The following MED13L variants were observed in gnomAD, a reference collection of about 807,000 sequenced individuals.
The protein encoded by MED13L is mediator of RNA polymerase II transcription subunit 13-like.
MED13L carries 7 observed loss-of-function variants against 220.9 expected under a neutral mutation model. That is an observed-to-expected ratio of 0.03 (90% CI 0.02 to 0.06). The LOEUF (loss-of-function observed/expected upper bound fraction) is 0.06, where lower values mean the gene tolerates loss of function less well. MED13L is among the 10% of genes least tolerant of loss of function. MED13L has a pLI of 1.00. For missense variants in MED13L, 1,965 were observed against 2,760.5 expected, an observed-to-expected ratio of 0.71 and a Z score of 6.46; for synonymous variants, 1,011 against 1,015.2, an observed-to-expected ratio of 1.00 and a Z score of 0.08.
rs75368072 is a variant in MED13L, at chr12:116,118,892, A to G, written c.311-7380T>C. ...TTTGAAACTTTGCAGAATAGCTACT[A>G]GCATAAAATGTCTTAAATTTTAAAT... On this transcript the variant is annotated intron_variant, in intron 2 of 30. Transcript: ENST00000281928. Among the ~76,000 whole-genome samples, 61 of 152,372 alleles carry G rather than the reference A, an allele frequency of 4.0e-4. No individual in the cohort carries two copies. In the East Asian group the frequency reaches 0.011, roughly 28 times the overall value.
chr12:116,101,504 G>A (rs1450081334), intron 3 of MED13L, among the ~76,000 whole-genome samples: 2 of 152,032 alleles, frequency 1.3e-5, no homozygotes, highest in Non-Finnish European at 2.9e-5. Context: ...TTTCTTATGT[G>A]TATGTATTCT....
intron 1 of MED13L, among the ~76,000 whole-genome samples, chr12:116,273,545 A>G (rs916352087): frequency 1.1e-4 from 16 of 150,068 alleles, no homozygotes; most frequent in African/African-American, 3.6e-4. Context: ...CCATTCTGCA[A>G]AAAAATCCCT....
chr12:116,149,638 T>C (rs1416056438), intron 2 of MED13L, among the ~76,000 whole-genome samples: 1 of 152,156 alleles, frequency 6.6e-6, no homozygotes, highest in Non-Finnish European at 1.5e-5. Flanking sequence ...CTCCCAATAA[T>C]ATTAAATCAG....
intron 7 of MED13L, among the ~76,000 whole-genome samples, 157 bp from the exon 8 acceptor site, chr12:116,015,431 G>C (rs750990768): frequency 6.6e-6 from 1 of 152,106 alleles, no homozygotes; most frequent in Non-Finnish European, 1.5e-5. Context: ...CTATAATCAT[G>C]AGTAAAATTT....
rs113799829 is a variant in MED13L at position 116,161,953 on chromosome 12, G to A, written c.311-50441C>T. On this transcript the variant is annotated intron_variant, in intron 2 of 30. Transcript: ENST00000281928. ...TCTAACAAGTTCTTAGGTGACGGGGGCAGGGGGGCAAAGAAAAGAAACACG... is the reference window on the plus strand; with the variant it reads ...TCTAACAAGTTCTTAGGTGACGGGGACAGGGGGGCAAAGAAAAGAAACACG... Among the ~76,000 whole-genome samples, 1,318 of 152,020 alleles carry A rather than the reference G, an allele frequency of 8.7e-3. 8 individuals are homozygous for A. The highest frequency in any genetic ancestry group is 0.014 in the Non-Finnish European group (967 of 67,990).
At chr12:116,214,211 A>C (rs73200233) in intron 2 of MED13L, among the ~76,000 whole-genome samples, 188 of 152,268 alleles carry the variant, frequency 1.2e-3, no homozygotes, top group Non-Finnish European at 2.1e-3. Context: ...AAGTTCTAAA[A>C]CTTTTCACTT....
chr12:116,230,281 T>C (rs1161926439), intron 2 of MED13L, among the ~76,000 whole-genome samples: 1 of 152,008 alleles, frequency 6.6e-6, no homozygotes, highest in Non-Finnish European at 1.5e-5. Flanking sequence ...GCATCTATAG[T>C]CCTAGCTACT....
chr12:116,248,866 G>A (rs1260891057), intron 1 of MED13L, among the ~76,000 whole-genome samples: 1 of 152,126 alleles, frequency 6.6e-6, no homozygotes, highest in Non-Finnish European at 1.5e-5. Flanking sequence ...TAAACAACCA[G>A]AAAACTGGAC....
intron 3 of MED13L, among the ~76,000 whole-genome samples, 196 bp downstream of exon 3, chr12:116,111,232 A>G (rs928041070): frequency 6.6e-6 from 1 of 152,210 alleles, no homozygotes; most frequent in Non-Finnish European, 1.5e-5. Flanking sequence ...GGAATATGGG[A>G]GTTCTTTGTA....
Position 116,276,673 on chromosome 12 carries a change from G to A in MED13L, c.72+387C>T, listed in dbSNP as rs1398359974. On this transcript the variant is annotated intron_variant, in intron 1 of 30. Transcript: ENST00000281928. ...CAACGGGGGAAGAGGTTGCCGATCG[G>A]AGGCGCGGCAGCACAAGGCAAAGCC... 2.5e-6 allele frequency: 3 copies of A among 1,191,004 alleles called. No individual in the cohort carries two copies. In the African/African-American group the frequency reaches 4.8e-5, roughly 19 times the overall value. The allele number at this position is 1,191,004 out of a possible 1,614,324, so 73.8% of individuals were successfully genotyped here. A position where few individuals can be genotyped will look rare whatever the true frequency, so the allele number is the denominator to read the frequency against.
chr12:116,115,934 A>G (rs1343045877), intron 2 of MED13L, among the ~76,000 whole-genome samples: 1 of 152,244 alleles, frequency 6.6e-6, no homozygotes, highest in African/African-American at 2.4e-5. Context: ...CAGCACAGCC[A>G]CTTTGGAAAA....
chr12:116,001,953 C>T (rs1878773191), intron 14 of MED13L, among the ~76,000 whole-genome samples: 1 of 152,166 alleles, frequency 6.6e-6, no homozygotes, highest in Non-Finnish European at 1.5e-5. Flanking sequence ...CATCACTACG[C>T]ATCACGTCAT....
At chr12:115,967,384 G>A (rs1431707193) in intron 28 of MED13L, among the ~76,000 whole-genome samples, 2 of 152,102 alleles carry the variant, frequency 1.3e-5, no homozygotes, top group African/African-American at 4.8e-5. Flanking sequence ...CCTCTTGGAG[G>A]TCACCTGGCT....
At chr12:116,086,345 G>C (rs1871687958) in intron 4 of MED13L, among the ~76,000 whole-genome samples, 1 of 150,642 alleles carries the variant, frequency 6.6e-6, no homozygotes, top group South Asian at 2.1e-4. Context: ...ATGCAACAGT[G>C]GGATCTCAGC....
chr12:116,233,210 C>A (rs1002183953), intron 2 of MED13L, among the ~76,000 whole-genome samples: 2 of 150,842 alleles, frequency 1.3e-5, no homozygotes, highest in Admixed American at 6.6e-5. Flanking sequence ...CAAGCCAAAA[C>A]AGCAAAGGTA....
At chr12:116,052,102 C>CACAT (rs1868558600) in intron 4 of MED13L, among the ~76,000 whole-genome samples, 1 of 149,800 alleles carries the variant, frequency 6.7e-6, no homozygotes, top group Non-Finnish European at 1.5e-5. Flanking sequence ...CACACACACA[C>CACAT]ATAAAACTAT....
intron 4 of MED13L, among the ~76,000 whole-genome samples, chr12:116,088,705 C>T (rs1330598708): frequency 6.7e-6 from 1 of 148,244 alleles, no homozygotes; most frequent in Non-Finnish European, 1.5e-5. Context: ...AAGTTAACCC[C>T]TTGCTTAAAA....
intron 4 of MED13L, among the ~76,000 whole-genome samples, chr12:116,062,851 C>G (rs1018579787): frequency 6.6e-6 from 1 of 152,124 alleles, no homozygotes; most frequent in South Asian, 2.1e-4. Flanking sequence ...AACATGGAGT[C>G]CCAGAGGTCT....
At chr12:116,190,126 T>C (rs767850967) in intron 2 of MED13L, among the ~76,000 whole-genome samples, 2 of 152,208 alleles carry the variant, frequency 1.3e-5, no homozygotes, top group Non-Finnish European at 2.9e-5. Flanking sequence ...TCTTGTCCTG[T>C]TCCTGATCTT....
Sources: gnomAD v4.1 joint callset for allele counts (sites outside exome capture counted in the v4.1 genomes callset) on GRCh38, gnomAD v4.1.1 for gene constraint, MANE v1.5 for transcripts, NCBI Gene and HGNC (gene_info 2026-07-23, HGNC 2026-07-21) for gene names.